The following PGR variants were observed in gnomAD, a reference collection of about 807,000 sequenced individuals.
PGR encodes the protein nuclear receptor subfamily 3 group C member 3.
A neutral mutation model predicts 76.1 loss-of-function variants in PGR; 25 were observed. The ratio of observed to expected loss-of-function variants is 0.33; its 90% CI spans 0.24 to 0.46. The LOEUF (loss-of-function observed/expected upper bound fraction) is 0.46. Ranked by LOEUF, PGR falls within the 20% of genes least tolerant of loss-of-function variation. PGR has a pLI of 1.00. For synonymous variants in PGR, 579 were observed against 535.0 expected (o/e 1.08, Z -1.14); for missense variants, 1,172 against 1,225.3 (o/e 0.96, Z 0.65).
chr11:101,069,674 C>G lies in PGR; in HGVS notation c.1907-6922G>C, dbSNP rs1860850780. 2.0e-5 allele frequency among the ~76,000 whole-genome samples: 3 copies of G among 152,310 alleles called. No individual in the cohort carries two copies. In the South Asian group the frequency reaches 6.2e-4, roughly 32 times the overall value. ...CACATATACACCATGGAATACTATGCAGCCATCAAAAGGGATGAGTTCATG... is the reference window on the plus strand; with the variant it reads ...CACATATACACCATGGAATACTATGGAGCCATCAAAAGGGATGAGTTCATG... On this transcript the variant is annotated intron_variant, in intron 3 of 7. Coordinates refer to ENST00000325455, the MANE Select transcript of PGR (RefSeq NM_000926.4).
At chr11:101,052,851 A>G (rs1860145112) in intron 4 of PGR, among the ~76,000 whole-genome samples, 1 of 152,146 alleles carries the variant, frequency 6.6e-6, no homozygotes, top group South Asian at 2.1e-4. Flanking sequence ...ATCTTTCAGT[A>G]TTTGTCTTGA....
In PGR at chr11:101,088,337, A is replaced by AT. The variant is rs949734200; in HGVS notation, c.1906+3422dup. ...TTGGTTTGAACACTTCTCAAAAGAC[A>AT]TTTTTTTTTCTTTTGAGACAGTCTC... is the stretch of plus-strand genomic sequence containing the variant. On this transcript the variant is annotated intron_variant, in intron 3 of 7. Transcript: ENST00000325455. Among the ~76,000 whole-genome samples, 31 of 151,624 alleles carry AT rather than the reference A, an allele frequency of 2.0e-4. No individual in the cohort carries two copies. In the East Asian group the frequency reaches 4.7e-3, roughly 23 times the overall value.
intron 3 of PGR, among the ~76,000 whole-genome samples, chr11:101,071,483 A>G (rs533570733): frequency 4.6e-5 from 7 of 152,160 alleles, no homozygotes; most frequent in African/African-American, 1.4e-4. Context: ...GAGTTTGACA[A>G]ATTGACAGAA....
At chr11:101,056,695 A>G (rs1240379426) in intron 4 of PGR, among the ~76,000 whole-genome samples, 1 of 151,722 alleles carries the variant, frequency 6.6e-6, no homozygotes, top group African/African-American at 2.4e-5. Flanking sequence ...AAGTTCCCCA[A>G]TCTTACTCCC....
At chr11:101,041,497 AAT>A (rs1859692818) in intron 7 of PGR, among the ~76,000 whole-genome samples, 1 of 152,110 alleles carries the variant, frequency 6.6e-6, no homozygotes, top group Non-Finnish European at 1.5e-5. Flanking sequence ...AATCCTAAAA[AAT>A]AGAAACTTGA....
chr11:101,124,187 A>G (rs1394255775), intron 2 of PGR, among the ~76,000 whole-genome samples: 1 of 152,194 alleles, frequency 6.6e-6, no homozygotes, highest in Non-Finnish European at 1.5e-5. Context: ...AGTACTCAAG[A>G]CTATAGGACC....
At chr11:101,083,689 T>C (rs546816559) in intron 3 of PGR, among the ~76,000 whole-genome samples, 12 of 152,210 alleles carry the variant, frequency 7.9e-5, no homozygotes, top group Non-Finnish European at 1.8e-4. Context: ...TTGAACTTGC[T>C]TGGGGCCTGT....
chr11:101,073,960 A>C (rs553184573), intron 3 of PGR, among the ~76,000 whole-genome samples: 1 of 152,294 alleles, frequency 6.6e-6, no homozygotes, highest in South Asian at 2.1e-4. Context: ...AAAAAGAGGG[A>C]ATCCTCCCTA....
In PGR at chr11:101,128,701, G is replaced by A. The variant is rs183419419; in HGVS notation, c.370C>T (p.Pro124Ser). 14 of 1,606,940 alleles carry A rather than the reference G, an allele frequency of 8.7e-6. No individual in the cohort carries two copies. The highest frequency in any genetic ancestry group is 1.7e-4 in the Middle Eastern group (1 of 6,054). ...VLDTLLAPSG[P>S]GQSQPSPPAC... ...GGAGGGCTGGGTTGGCTCTGCCCGG[G>A]ACCTGAGGGCGCCAACAGAGTGTCC... Residue 124 changes from proline to serine, a missense_variant, in exon 1 of 8, where the codon CCC becomes TCC. Coordinates refer to ENST00000325455, the MANE Select transcript of PGR (RefSeq NM_000926.4).
intron 2 of PGR, among the ~76,000 whole-genome samples, chr11:101,120,743 G>A (rs1434354830): frequency 2.0e-5 from 3 of 152,176 alleles, no homozygotes; most frequent in Non-Finnish European, 4.4e-5. Context: ...CAGATTAGAG[G>A]TATTGATCAA....
At chr11:101,111,406 T>C (rs929893510) in intron 2 of PGR, among the ~76,000 whole-genome samples, 2 of 152,146 alleles carry the variant, frequency 1.3e-5, no homozygotes, top group African/African-American at 4.8e-5. Flanking sequence ...TTTTAAATAA[T>C]CTTAGGTCTG....
chr11:101,037,180 G>C lies in PGR; in HGVS notation c.*1936C>G, dbSNP rs1859541808. ...GCAAATGAATTACTGACACATAAAG[G>C]TGTTATTTAATATTTAAAGTTAGTA... is the stretch of plus-strand genomic sequence containing the variant. On this transcript the variant is annotated 3_prime_UTR_variant, in exon 8 of 8. Coordinates refer to ENST00000325455, the MANE Select transcript of PGR (RefSeq NM_000926.4). 2 of 208,672 alleles carry C rather than the reference G, an allele frequency of 9.6e-6. No individual in the cohort carries two copies. The highest frequency in any genetic ancestry group is 2.3e-5 in the African/African-American group (1 of 44,068). The allele number at this position is 208,672 out of a possible 1,614,324, so 12.9% of individuals were successfully genotyped here. A position where few individuals can be genotyped will look rare whatever the true frequency, so the allele number is the denominator to read the frequency against.
intron 4 of PGR, among the ~76,000 whole-genome samples, chr11:101,058,487 C>G (rs1260826065): frequency 6.6e-6 from 1 of 152,124 alleles, no homozygotes; most frequent in African/African-American, 2.4e-5. Context: ...AGGCAAAATA[C>G]TGTTCTAATA....
intron 2 of PGR, among the ~76,000 whole-genome samples, chr11:101,103,132 G>T (rs574503282): frequency 1.3e-5 from 2 of 151,720 alleles, no homozygotes; most frequent in Non-Finnish European, 2.9e-5. Flanking sequence ...AAAATGGCAG[G>T]AGAAATGATA....
chr11:101,064,005 T>C (rs1860607965), intron 3 of PGR: 1 of 151,920 alleles, frequency 6.6e-6, no homozygotes. Context: ...GGTATTGTCA[T>C]AAAGAAAAAG....
intron 2 of PGR, among the ~76,000 whole-genome samples, chr11:101,108,614 T>C (rs928464885): frequency 6.6e-6 from 1 of 152,240 alleles, no homozygotes; most frequent in African/African-American, 2.4e-5. Context: ...TGTGCTTTAG[T>C]GAAAGCGGTT....
At chr11:101,062,826 TAA>T (rs1263568412) in intron 3 of PGR, 74 bp from the exon 4 acceptor site, 5 of 1,042,300 alleles carry the variant, frequency 4.8e-6, no homozygotes, top group East Asian at 2.6e-5. Context: ...TTATTTTTCC[TAA>T]GTCTTAGAAT....
chr11:101,094,788 G>C (rs1861785511), intron 2 of PGR, among the ~76,000 whole-genome samples: 2 of 152,168 alleles, frequency 1.3e-5, no homozygotes, highest in African/African-American at 4.8e-5. Flanking sequence ...TGGTTTGAAT[G>C]TTTGTGTCCC....
chr11:101,122,867 T>C (rs1365907787), intron 2 of PGR, among the ~76,000 whole-genome samples: 1 of 152,196 alleles, frequency 6.6e-6, no homozygotes, highest in Non-Finnish European at 1.5e-5. Flanking sequence ...CTGCCCTAAA[T>C]GTGAAGTTAA....
Sources: gnomAD v4.1 joint callset for allele counts (sites outside exome capture counted in the v4.1 genomes callset) on GRCh38, gnomAD v4.1.1 for gene constraint, MANE v1.5 for transcripts, NCBI Gene and HGNC (gene_info 2026-07-23, HGNC 2026-07-21) for gene names.